The following SPAG16 variants were observed in gnomAD, a reference collection of about 807,000 sequenced individuals.
SPAG16 encodes the protein sperm associated antigen 16, also known as sperm-associated antigen 16 protein.
A neutral mutation model predicts 80.4 loss-of-function variants in SPAG16; 86 were observed. The observed-to-expected ratio is 1.07, with a 90% confidence interval of 0.90 to 1.28. The LOEUF is 1.28. Ranked by LOEUF, SPAG16 falls within the 50% of genes most tolerant of loss-of-function variation. SPAG16 has a pLI of 0.00. For missense variants in SPAG16, 870 were observed against 765.3 expected (o/e 1.14, Z -1.61); for synonymous variants, 294 against 265.9 (o/e 1.11, Z -1.03).
At chr2:214,014,693 A>G (rs1371586281) in intron 13 of SPAG16, among the ~76,000 whole-genome samples, 1 of 152,226 alleles carries the variant, frequency 6.6e-6, no homozygotes, top group African/African-American at 2.4e-5. Context: ...AGCTTAAGGA[A>G]AAAGAGGCAT....
At chr2:214,148,655 G>C (rs2055786774) in intron 14 of SPAG16, among the ~76,000 whole-genome samples, 1 of 61,960 alleles carries the variant, frequency 1.6e-5, no homozygotes, top group Non-Finnish European at 3.3e-5. Context: ...CTCTATTTGA[G>C]GTATAAATTA....
At chr2:213,963,397 G>A (rs957271099) in intron 12 of SPAG16, among the ~76,000 whole-genome samples, 5 of 151,990 alleles carry the variant, frequency 3.3e-5, no homozygotes, top group Non-Finnish European at 4.4e-5. Context: ...CAGAGAACAC[G>A]ATTTCTACGA....
At chr2:214,194,553 A>G (rs188465683) in intron 15 of SPAG16, among the ~76,000 whole-genome samples, 16 of 152,208 alleles carry the variant, frequency 1.1e-4, no homozygotes, top group African/African-American at 3.8e-4. Flanking sequence ...TTTTACTAGC[A>G]TAAGACATAT....
intron 10 of SPAG16, among the ~76,000 whole-genome samples, chr2:213,722,265 A>G (rs2125397984): frequency 6.6e-6 from 1 of 152,336 alleles, no homozygotes. Flanking sequence ...GAAATGAAAA[A>G]CAGCTACTCA....
At chr2:213,579,726 G>A (rs1269568640) in intron 10 of SPAG16, among the ~76,000 whole-genome samples, 1 of 151,964 alleles carries the variant, frequency 6.6e-6, no homozygotes, top group African/African-American at 2.4e-5. Flanking sequence ...AATTGTATGT[G>A]CAACTTTTCA....
At chr2:213,410,723 A>G (rs751782158) in intron 9 of SPAG16, among the ~76,000 whole-genome samples, 1 of 152,206 alleles carries the variant, frequency 6.6e-6, no homozygotes, top group Non-Finnish European at 1.5e-5. Context: ...AACAAAAGCA[A>G]TTGTTACACT....
At chr2:213,397,344 G>C (rs2068092207) in intron 9 of SPAG16, among the ~76,000 whole-genome samples, 1 of 152,068 alleles carries the variant, frequency 6.6e-6, no homozygotes, top group Admixed American at 6.6e-5. Context: ...TGTAGCATAG[G>C]TCCTGAAAGT....
chr2:214,195,055 GA>G (rs199814949), intron 15 of SPAG16, among the ~76,000 whole-genome samples: 1,562 of 152,134 alleles, frequency 0.01, 8 homozygotes, highest in South Asian at 0.017. Flanking sequence ...TTACATGAAT[GA>G]AAGAAAATAA....
intron 10 of SPAG16, among the ~76,000 whole-genome samples, chr2:213,715,503 G>C (rs2066202007): frequency 6.6e-6 from 1 of 152,164 alleles, no homozygotes; most frequent in South Asian, 2.1e-4. Flanking sequence ...CTAGCACCGT[G>C]TGTATATCCT....
rs527879826 is a variant in SPAG16 at position 213,644,505 on chromosome 2, G to A, written c.1070+154415G>A. On this transcript the variant is annotated intron_variant, in intron 10 of 15. Transcript: ENST00000331683. ...ACATCCTTCTTGGGAAAGCTTTCCA[G>A]ATACTTGGAAGGATTGGGTATTGTG... is the stretch of plus-strand genomic sequence containing the variant. Among the ~76,000 whole-genome samples, 4 of 152,302 alleles carry A rather than the reference G, an allele frequency of 2.6e-5. No individual in the cohort carries two copies. In the East Asian group the frequency reaches 7.7e-4, roughly 29 times the overall value.
At chr2:213,645,040 G>A (rs112997566) in intron 10 of SPAG16, among the ~76,000 whole-genome samples, 17 of 152,250 alleles carry the variant, frequency 1.1e-4, no homozygotes, top group East Asian at 9.7e-4. Context: ...TATTGTATTC[G>A]GCTGAGCTAG....
At chr2:214,208,425 G>C (rs868423153) in intron 15 of SPAG16, among the ~76,000 whole-genome samples, 7 of 152,130 alleles carry the variant, frequency 4.6e-5, no homozygotes, top group African/African-American at 1.7e-4. Context: ...GGAGAATACT[G>C]ATAGTCCTTG....
chr2:213,702,637 A>AT (rs2065516353), intron 10 of SPAG16, among the ~76,000 whole-genome samples: 1 of 152,202 alleles, frequency 6.6e-6, no homozygotes, highest in African/African-American at 2.4e-5. Flanking sequence ...TTATTTCATC[A>AT]TATGATACTT....
At chr2:214,064,931 A>C (rs1418844915) in intron 13 of SPAG16, among the ~76,000 whole-genome samples, 1 of 151,962 alleles carries the variant, frequency 6.6e-6, no homozygotes, top group Non-Finnish European at 1.5e-5. Flanking sequence ...TCTTAATTTC[A>C]ATTTTTCTTT....
intron 15 of SPAG16, among the ~76,000 whole-genome samples, chr2:214,227,425 C>G (rs966648802): frequency 1.3e-5 from 2 of 151,932 alleles, no homozygotes; most frequent in Non-Finnish European, 2.9e-5. Context: ...TTTGTTATTA[C>G]CAAAAACTAC....
At chr2:213,901,915 A>C (rs969877829) in intron 11 of SPAG16, among the ~76,000 whole-genome samples, 1 of 152,106 alleles carries the variant, frequency 6.6e-6, no homozygotes, top group African/African-American at 2.4e-5. Flanking sequence ...ATGTGAACAC[A>C]GGGTGAGAAA....
At chr2:214,020,845 A>G (rs930297478) in intron 13 of SPAG16, among the ~76,000 whole-genome samples, 13 of 152,198 alleles carry the variant, frequency 8.5e-5, no homozygotes, top group African/African-American at 2.4e-4. Context: ...CTTTTTCTAC[A>G]TGTCTTAAAG....
intron 10 of SPAG16, among the ~76,000 whole-genome samples, chr2:213,566,415 AC>A (rs2059767493): frequency 1.3e-5 from 2 of 152,144 alleles, no homozygotes; most frequent in Admixed American, 6.6e-5. Flanking sequence ...TGTTTCTCTC[AC>A]CCCCTTCAAT....
At chr2:214,375,353 A>G (rs2126096066) in intron 15 of SPAG16, among the ~76,000 whole-genome samples, 1 of 152,330 alleles carries the variant, frequency 6.6e-6, no homozygotes, top group African/African-American at 2.4e-5. Context: ...TACAGTTGCC[A>G]ATAACCAGTT....
Sources: allele counts gnomAD v4.1 joint callset (sites outside exome capture counted in the v4.1 genomes callset), GRCh38; gene constraint gnomAD v4.1.1; transcripts MANE v1.5; gene names NCBI Gene and HGNC (gene_info 2026-07-23, HGNC 2026-07-21).